Variants in RANBP2 observed in about 807,000 individuals in gnomAD.
RANBP2 encodes E3 SUMO-protein ligase RanBP2.
RANBP2 carries 57 observed loss-of-function variants against 303.6 expected under a neutral mutation model. The observed-to-expected ratio is 0.19, with a 90% confidence interval of 0.15 to 0.23. RANBP2 has a LOEUF of 0.23. Among genes scored for constraint, RANBP2 ranks in the 10% least tolerant of loss-of-function variants. RANBP2 has a pLI of 1.00. For missense variants in RANBP2, 3,138 were observed against 3,780.8 expected (o/e 0.83, Z 4.46); for synonymous variants, 1,167 against 1,301.5 (o/e 0.90, Z 2.23).
the RANBP2 span, among the ~76,000 whole-genome samples, chr2:109,519,117 C>T: frequency 6.6e-6 from 1 of 151,904 alleles, no homozygotes; most frequent in African/African-American, 2.4e-5. Flanking sequence ...CGGGGTTTCA[C>T]CATGTTGGTC....
At chr2:109,644,387 A>C in the RANBP2 span, among the ~76,000 whole-genome samples, 1 of 152,132 alleles carries the variant, frequency 6.6e-6, no homozygotes, top group African/African-American at 2.4e-5. Context: ...CCCTGTGTTG[A>C]TGAATCTACT....
At chr2:109,623,201 A>C in the RANBP2 span, among the ~76,000 whole-genome samples, 1 of 152,188 alleles carries the variant, frequency 6.6e-6, no homozygotes, top group Non-Finnish European at 1.5e-5. Flanking sequence ...TGTTTGTTCT[A>C]TCGGAATCTA....
chr2:109,733,151 C>A, the RANBP2 span: 1 of 488,558 alleles, frequency 2.0e-6, no homozygotes, highest in Non-Finnish European at 4.2e-6. Context: ...TGATCCTTCT[C>A]TAGGTTTCGT....
chr2:108,888,202 C>G, the RANBP2 span, among the ~76,000 whole-genome samples: 1 of 152,036 alleles, frequency 6.6e-6, no homozygotes, highest in Non-Finnish European at 1.5e-5. Context: ...CCTTGCATCC[C>G]TGGCATAAAT....
chr2:109,608,262 G>C, the RANBP2 span, among the ~76,000 whole-genome samples: 1 of 152,072 alleles, frequency 6.6e-6, no homozygotes, highest in Non-Finnish European at 1.5e-5. Flanking sequence ...TGAGAGACTG[G>C]GATACAGTTT....
chr2:109,371,940 G>T, the RANBP2 span, among the ~76,000 whole-genome samples: 1 of 152,180 alleles, frequency 6.6e-6, no homozygotes, highest in African/African-American at 2.4e-5. Flanking sequence ...GTGGCAGCAG[G>T]GCCCCCTTGT....
At chr2:108,759,328 CATT>C (rs1676554567) in intron 18 of RANBP2, among the ~76,000 whole-genome samples, 1 of 152,118 alleles carries the variant, frequency 6.6e-6, no homozygotes, top group Non-Finnish European at 1.5e-5. Context: ...GTAACTTACT[CATT>C]ATTATACAGC....
chr2:108,890,955 C>G, the RANBP2 span, among the ~76,000 whole-genome samples: 5 of 152,010 alleles, frequency 3.3e-5, no homozygotes, highest in Admixed American at 6.5e-5. Flanking sequence ...ATTTTTGAAG[C>G]TTTCAAATGT....
the RANBP2 span, among the ~76,000 whole-genome samples, chr2:109,055,235 A>T: frequency 2.0e-5 from 3 of 152,296 alleles, no homozygotes; most frequent in Admixed American, 1.3e-4. Context: ...CCCCTTTTAA[A>T]GAATTGGGTT....
At chr2:108,908,285 T>C in the RANBP2 span, among the ~76,000 whole-genome samples, 1 of 152,052 alleles carries the variant, frequency 6.6e-6, no homozygotes, top group East Asian at 1.9e-4. Flanking sequence ...TGCCACTGCG[T>C]GTGGGAGGCA....
the RANBP2 span, among the ~76,000 whole-genome samples, chr2:109,267,537 C>G: frequency 6.6e-6 from 1 of 152,168 alleles, no homozygotes; most frequent in Non-Finnish European, 1.5e-5. Flanking sequence ...CAGCCCCACT[C>G]CCTTCCAACA....
chr2:108,767,213 A>G lies in RANBP2; in HGVS notation c.6674A>G (p.Asp2225Gly), dbSNP rs767442452. 9 of 1,611,948 alleles carry G rather than the reference A, an allele frequency of 5.6e-6. No individual in the cohort carries two copies. The highest frequency in any genetic ancestry group is 1.7e-5 in the Admixed American group (1 of 60,000). ...PENTGPTLEW[D>G]NYDLREDALD... Reference sequence around the variant, plus strand: ...AACACTGGGCCCACATTAGAATGGGATAACTATGATTTAAGGGAAGATGCT... The same window carrying G: ...AACACTGGGCCCACATTAGAATGGGGTAACTATGATTTAAGGGAAGATGCT... Residue 2225 changes from aspartate (D) to glycine (G), a missense_variant, in exon 20 of 29, where the codon GAT becomes GGT. By Grantham distance (94) the Asp-to-Gly change is moderately conservative. Transcript: ENST00000283195.
the RANBP2 span, among the ~76,000 whole-genome samples, chr2:108,849,829 G>A: frequency 5.4e-4 from 82 of 152,310 alleles, 1 homozygote; most frequent in South Asian, 0.016. Context: ...TGGGGCCAAG[G>A]TACATGCTGC....
At chr2:109,088,324 G>A in the RANBP2 span, among the ~76,000 whole-genome samples, 7 of 150,970 alleles carry the variant, frequency 4.6e-5, no homozygotes, top group East Asian at 1.4e-3. Flanking sequence ...TTGAACCCGG[G>A]AGGCGGAGAC....
At chr2:109,607,769 T>A in the RANBP2 span, among the ~76,000 whole-genome samples, 6 of 152,282 alleles carry the variant, frequency 3.9e-5, no homozygotes, top group Non-Finnish European at 8.8e-5. Flanking sequence ...CTGCCCTAAA[T>A]CAAAACTACC....
At chr2:109,599,957 A>G in the RANBP2 span, among the ~76,000 whole-genome samples, 1 of 152,212 alleles carries the variant, frequency 6.6e-6, no homozygotes, top group African/African-American at 2.4e-5. Flanking sequence ...GCAGCCAAAC[A>G]GGTGCGCCAT....
At chr2:108,868,223 C>T in the RANBP2 span, among the ~76,000 whole-genome samples, 3 of 148,344 alleles carry the variant, frequency 2.0e-5, no homozygotes, top group South Asian at 4.9e-4. Context: ...TCTTAAGTTA[C>T]TCGCGATAGA....
At chr2:108,783,309 C>T (rs1157721828) in intron 28 of RANBP2, among the ~76,000 whole-genome samples, 6 of 115,494 alleles carry the variant, frequency 5.2e-5, no homozygotes, top group South Asian at 2.9e-4. Context: ...CCATCCTGGG[C>T]GACAGAGTGA....
the RANBP2 span, among the ~76,000 whole-genome samples, chr2:109,309,199 G>A: frequency 2.2e-5 from 3 of 138,104 alleles, no homozygotes; most frequent in Non-Finnish European, 4.5e-5. Context: ...GTGAATGGGA[G>A]TTCACTCATG....
Sources: gnomAD v4.1 joint callset for allele counts (sites outside exome capture counted in the v4.1 genomes callset) on GRCh38, gnomAD v4.1.1 for gene constraint, MANE v1.5 for transcripts, NCBI Gene and HGNC (gene_info 2026-07-23, HGNC 2026-07-21) for gene names.